NPRL3: variants seen among roughly 807,000 people sequenced by gnomAD.
The protein encoded by NPRL3 is GATOR1 complex protein NPRL3.
In NPRL3, 23 loss-of-function variants were observed where a neutral mutation model predicts 57.2. The observed-to-expected ratio is 0.40, with a 90% confidence interval of 0.29 to 0.57. The LOEUF is 0.57. NPRL3 is among the 20% of genes least tolerant of loss of function. The pLI is 0.42. For synonymous variants in NPRL3, 333 were observed against 321.1 expected, an observed-to-expected ratio of 1.04 and a Z score of -0.39; for missense variants, 691 against 767.1, an observed-to-expected ratio of 0.90 and a Z score of 1.17.
chr16:117,341 G>A lies in NPRL3; in HGVS notation c.353C>T (p.Ala118Val). Residue 118 changes from alanine (A) to valine (V), a missense_variant, in exon 5 of 14, where the codon GCA (alanine) becomes GTA (valine). Ala to Val is a moderately conservative substitution (Grantham distance 64). Transcript: ENST00000611875. ...CACATTAAAAAGAATCATAGTAGGT[G>A]CTTCCCTCTTCGGGGAAGGATCTGT... The part of the protein sequence containing the change: ...SKTDPSPKRE[A>V]PTMILFNVVF... The A allele has an allele frequency of 1.2e-6, 2 of 1,612,098 alleles. No individual in the cohort carries two copies. The highest frequency in any genetic ancestry group is 1.7e-5 in the Admixed American group (1 of 59,904).
chr16:121,528 G>A (rs1461743304), intron 3 of NPRL3, among the ~76,000 whole-genome samples: 7 of 151,864 alleles, frequency 4.6e-5, no homozygotes, highest in Admixed American at 1.3e-4. Flanking sequence ...GCTGAGGCAG[G>A]AGAATCGCTT....
chr16:93,402 G>A (rs1898849689), intron 9 of NPRL3, 77 bp from the exon 10 acceptor site: 2 of 950,194 alleles, frequency 2.1e-6, no homozygotes, highest in Admixed American at 2.0e-5. Context: ...CTCAGCCTGG[G>A]TGGCCATGGC....
chr16:117,197 C>G, intron 5 of NPRL3, 104 bp downstream of exon 5: 1 of 768,692 alleles, frequency 1.3e-6, no homozygotes, highest in East Asian at 2.7e-5. Flanking sequence ...GGGGCCAGCC[C>G]GCTGCAGTCC....
intron 7 of NPRL3, among the ~76,000 whole-genome samples, chr16:105,666 C>A (rs1175012904): frequency 1.3e-5 from 2 of 151,798 alleles, no homozygotes; most frequent in Non-Finnish European, 2.9e-5. Context: ...CAAATCACTT[C>A]TTCACACTCC....
intron 2 of NPRL3, among the ~76,000 whole-genome samples, chr16:135,892 A>G (rs1460489242): frequency 6.6e-6 from 1 of 152,214 alleles, no homozygotes; most frequent in African/African-American, 2.4e-5. Flanking sequence ...ACAACCCAAG[A>G]GAACATTAGG....
In NPRL3 at chr16:130,493, C is replaced by A. The variant is rs1201993076; in HGVS notation, c.188+29G>T. On this transcript the variant is annotated intron_variant, in intron 3 of 13. Transcript: ENST00000611875. ...CCCAGGCCTGGGACCAGGACACGCC[C>A]CGCCCTGAAGTGGCCGCAGAGCCTT... 2.6e-6 allele frequency: 4 copies of A among 1,544,174 alleles called. No individual in the cohort carries two copies. In the African/African-American group the frequency reaches 5.5e-5, roughly 21 times the overall value.
intron 7 of NPRL3, among the ~76,000 whole-genome samples, chr16:103,166 C>G (rs981085511): frequency 3.3e-5 from 5 of 151,690 alleles, no homozygotes; most frequent in South Asian, 2.1e-4. Context: ...TTTTCTGAGA[C>G]AAGGTCTCAC....
intron 4 of NPRL3, 30 bp downstream of exon 4, chr16:119,094 GGA>G (rs1176079971): frequency 1.4e-5 from 22 of 1,611,472 alleles, no homozygotes; most frequent in Admixed American, 8.4e-5. Flanking sequence ...ATCTGCCCAG[GGA>G]GAGCCCCACC....
intron 3 of NPRL3, among the ~76,000 whole-genome samples, chr16:120,555 T>C (rs1900238957): frequency 6.6e-6 from 1 of 152,152 alleles, no homozygotes; most frequent in Admixed American, 6.5e-5. Flanking sequence ...CCTCCTGAAC[T>C]GGCACGACCC....
chr16:85,747 CAG>C lies in NPRL3; in HGVS notation c.*956_*957del. 6.6e-7 allele frequency: 1 copy of C among 1,513,752 alleles called. No homozygotes were observed. The highest frequency in any genetic ancestry group is 8.8e-7 in the Non-Finnish European group (1 of 1,130,106). The allele number at this position is 1,513,752 out of a possible 1,614,324, so 93.8% of individuals were successfully genotyped here. A position where few individuals can be genotyped will look rare whatever the true frequency, so the allele number is the denominator to read the frequency against. On this transcript the variant is annotated 3_prime_UTR_variant, in exon 14 of 14. Coordinates refer to ENST00000611875, the MANE Select transcript of NPRL3 (RefSeq NM_001077350.3). Reference sequence around the variant, plus strand: ...GCAGCCCCTGGGTCAGTGTGGTCGACAGAGTGGCTGAGCAGGACACACAGGCC... The same window carrying C: ...GCAGCCCCTGGGTCAGTGTGGTCGACAGTGGCTGAGCAGGACACACAGGCC...
intron 3 of NPRL3, chr16:126,447 T>TAA (rs1420915643): frequency 3.1e-4 from 44 of 140,976 alleles, no homozygotes; most frequent in African/African-American, 4.7e-4. Context: ...ATAATAATAA[T>TAA]TAATAATAAT....
chr16:90,666 T>C (rs1412410675), intron 11 of NPRL3: 1 of 152,232 alleles, frequency 6.6e-6, no homozygotes, highest in Non-Finnish European at 1.5e-5. Flanking sequence ...TGTCCTCAGA[T>C]ACACATCTGT....
chr16:110,622 C>T lies in NPRL3; in HGVS notation c.548-16G>A, dbSNP rs369053251. The T allele has an allele frequency of 1.9e-6, 3 of 1,597,570 alleles. No individual in the cohort carries two copies. Among genetic ancestry groups the T allele is most frequent in the Non-Finnish European group, 2.6e-6 (3 of 1,170,530 alleles). On this transcript the variant is annotated splice_polypyrimidine_tract_variant and intron_variant, in intron 6 of 13. Transcript: ENST00000611875. ...CCTTCATTTCCTACAAGAATCACAACACAAGATTTACAGCTCCCGGGTTCA... is the reference window on the plus strand; with the variant it reads ...CCTTCATTTCCTACAAGAATCACAATACAAGATTTACAGCTCCCGGGTTCA...
At chr16:133,783 C>T (rs12935147) in intron 2 of NPRL3, among the ~76,000 whole-genome samples, 11,287 of 152,202 alleles carry the variant, frequency 0.074, 777 homozygotes, top group African/African-American at 0.18. Context: ...CTCAAGAAGC[C>T]TAATCATTTC....
chr16:86,373 G>GTATCATT lies in NPRL3; in HGVS notation c.*331_*332insAATGATA. On this transcript the variant is annotated 3_prime_UTR_variant, in exon 14 of 14. Transcript: ENST00000611875. ...GTGTAGGGACAGAAGGAGGGTCTGA[G>GTATCATT]AAACGCACAGCCCACATGGGCCTTG... 1 of 295,632 alleles carries GTATCATT rather than the reference G, an allele frequency of 3.4e-6. No homozygotes were observed. Among genetic ancestry groups the GTATCATT allele is most frequent in the South Asian group, 6.6e-5 (1 of 15,204 alleles). 18.3% of individuals were successfully genotyped at this position (295,632 alleles called of 1,614,324 possible).
rs895676782 is a variant in NPRL3 at position 116,796 on chromosome 16, C to CT, written c.393+504_393+505insA. Among the ~76,000 whole-genome samples, 76 of 144,684 alleles carry CT rather than the reference C, an allele frequency of 5.3e-4. 2 individuals carry two copies. The highest frequency in any genetic ancestry group is 1.8e-3 in the African/African-American group (69 of 38,830). The allele number at this position is 144,684 out of a possible 152,430, so 94.9% of individuals were successfully genotyped here. A position where few individuals can be genotyped will look rare whatever the true frequency, so the allele number is the denominator to read the frequency against. ...TGGCCAACATGGCGAGACCCCCCCC[C>CT]CCCACCGATCTCTACTAAAAATACA... On this transcript the variant is annotated intron_variant, in intron 5 of 13. Transcript: ENST00000611875.
intron 8 of NPRL3, among the ~76,000 whole-genome samples, chr16:99,938 TCACA>T (rs139398972): frequency 9.0e-6 from 1 of 110,978 alleles, no homozygotes; most frequent in Admixed American, 1.3e-4. Flanking sequence ...TGTCTCTCTC[TCACA>T]CACACACACA....
At chr16:128,951 A>G (rs1442951290) in intron 3 of NPRL3, among the ~76,000 whole-genome samples, 1 of 152,218 alleles carries the variant, frequency 6.6e-6, no homozygotes, top group Non-Finnish European at 1.5e-5. Flanking sequence ...CATGGGTGGC[A>G]CCAGTGAGAT....
At chr16:117,468 G>A (rs1156367593) in intron 4 of NPRL3, 93 bp from the exon 5 acceptor site, 1 of 826,862 alleles carries the variant, frequency 1.2e-6, no homozygotes, top group Non-Finnish European at 2.0e-6. Flanking sequence ...AAAGTCCCCA[G>A]AATACAGCAC....
Sources: allele counts gnomAD v4.1 joint callset (sites outside exome capture counted in the v4.1 genomes callset), GRCh38; gene constraint gnomAD v4.1.1; transcripts MANE v1.5; gene names NCBI Gene and HGNC (gene_info 2026-07-23, HGNC 2026-07-21).